AGAP1: variants seen among roughly 807,000 people sequenced by gnomAD.
AGAP1 encodes the protein ArfGAP with GTPase domain, ankyrin repeat and PH domain 1, also known as arf-GAP with GTPase, ANK repeat and PH domain-containing protein 1.
AGAP1 carries 29 observed loss-of-function variants against 105.3 expected under a neutral mutation model. The observed-to-expected ratio is 0.28, with a 90% CI of 0.21 to 0.38. The LOEUF (loss-of-function observed/expected upper bound fraction) is 0.38, where lower values mean the gene tolerates loss of function less well. AGAP1 is among the 10% of genes least tolerant of loss of function. AGAP1 has a pLI of 1.00. For missense variants in AGAP1, 998 were observed against 1,165.1 expected (o/e 0.86, Z 2.09); for synonymous variants, 509 against 485.9 (o/e 1.05, Z -0.63).
chr2:235,982,304 A>G lies in AGAP1; in HGVS notation c.1645+13681A>G, dbSNP rs2055131822. 6.6e-6 allele frequency among the ~76,000 whole-genome samples: 1 copy of G among 151,012 alleles called. No individual in the cohort carries two copies. The highest frequency in any genetic ancestry group is 1.5e-5 in the Non-Finnish European group (1 of 68,046). On this transcript the variant is annotated intron_variant, in intron 13 of 17. Coordinates refer to ENST00000304032, the MANE Select transcript of AGAP1 (RefSeq NM_001037131.3). This position sits in a 1 kb window ranked among gnomAD's most constrained non-coding sequence, Gnocchi z 4.9. ...ATGCAGAGTAACTCTTACAATTAAC[A>G]TATAATTACCTCAACGGGCCAATTA...
chr2:235,537,595 G>T (rs1033036294), intron 1 of AGAP1, among the ~76,000 whole-genome samples: 3 of 152,196 alleles, frequency 2.0e-5, no homozygotes, highest in Non-Finnish European at 4.4e-5. Flanking sequence ...CTTAAAGCTT[G>T]CAGCTCTCCA....
chr2:236,064,856 A>G (rs2058302595), intron 16 of AGAP1, among the ~76,000 whole-genome samples: 1 of 152,226 alleles, frequency 6.6e-6, no homozygotes, highest in Non-Finnish European at 1.5e-5. Context: ...ATACCTTTCT[A>G]AACACATAAA....
At chr2:235,594,288 G>GT (rs757990821) in intron 1 of AGAP1, among the ~76,000 whole-genome samples, 8,594 of 138,870 alleles carry the variant, frequency 0.062, 406 homozygotes, top group African/African-American at 0.14. Context: ...GGCATTCTGG[G>GT]GTTTTTTTTT....
rs1044596856 is a variant in AGAP1, at chr2:236,035,901, G to C, written c.1646-660G>C. Among the ~76,000 whole-genome samples, 5 of 152,230 alleles carry C rather than the reference G, an allele frequency of 3.3e-5. No homozygotes were observed. Among genetic ancestry groups the C allele is most frequent in the African/African-American group, 1.2e-4 (5 of 41,540 alleles). On this transcript the variant is annotated intron_variant, in intron 13 of 17. Coordinates refer to ENST00000304032, the MANE Select transcript of AGAP1 (RefSeq NM_001037131.3). The surrounding 1 kb of genome is among the most constrained non-coding windows in gnomAD (Gnocchi z 4.2). The stretch of plus-strand genomic sequence containing the variant: ...AGGGGAGTCCAGGAACTTGCCCAAA[G>C]ACTTAGATGTGGCAGGTGGGGTCGC...
intron 12 of AGAP1, among the ~76,000 whole-genome samples, chr2:235,937,203 C>T (rs1358759046): frequency 6.6e-6 from 1 of 152,174 alleles, no homozygotes; most frequent in African/African-American, 2.4e-5. Context: ...GCTGGGCACT[C>T]CCTGCCTCAC....
rs1953728195 is a variant in AGAP1, at chr2:235,754,408, T to C, written c.673+3920T>C. Among the ~76,000 whole-genome samples the C allele has an allele frequency of 2.7e-5, 4 of 150,424 alleles. No homozygotes were observed. The highest frequency in any genetic ancestry group is 2.2e-4 in the South Asian group (1 of 4,612). On this transcript the variant is annotated intron_variant, in intron 6 of 17. Coordinates refer to ENST00000304032, the MANE Select transcript of AGAP1 (RefSeq NM_001037131.3). The surrounding 1 kb of genome is among the most constrained non-coding windows in gnomAD (Gnocchi z 4.6). Reference sequence around the variant, plus strand: ...AAAGGAAAAGCGTGTAATTTCTACATAATGTTTGGCTTGTAAATAAAAAAA... The same window carrying C: ...AAAGGAAAAGCGTGTAATTTCTACACAATGTTTGGCTTGTAAATAAAAAAA...
At position 235,622,413 on chromosome 2, in the gene AGAP1, G is replaced by A. The variant is rs764725293; in HGVS notation, c.164-86766G>A. Among the ~76,000 whole-genome samples the A allele has an allele frequency of 2.0e-5, 3 of 152,166 alleles. No individual in the cohort carries two copies. Among genetic ancestry groups the A allele is most frequent in the African/African-American group, 4.8e-5 (2 of 41,438 alleles). ...GGCCACGCTGCTCTCCTGCATGTCC[G>A]CCCATCTCACTGGGGTGATGAATGG... On this transcript the variant is annotated intron_variant, in intron 1 of 17. Coordinates refer to ENST00000304032, the MANE Select transcript of AGAP1 (RefSeq NM_001037131.3). This position sits in a 1 kb window ranked among gnomAD's most constrained non-coding sequence, Gnocchi z 5.0.
chr2:236,032,888 A>G (rs1344635104), intron 13 of AGAP1, among the ~76,000 whole-genome samples: 1 of 152,210 alleles, frequency 6.6e-6, no homozygotes, highest in Non-Finnish European at 1.5e-5. Flanking sequence ...CATAGAAGAT[A>G]CTAGACAAGG....
At chr2:235,564,532 A>G (rs940163046) in intron 1 of AGAP1, among the ~76,000 whole-genome samples, 13 of 152,158 alleles carry the variant, frequency 8.5e-5, no homozygotes, top group African/African-American at 2.9e-4. Context: ...CATCCAGTTC[A>G]CATGTAGTTG....
At chr2:235,579,838 G>A (rs948721617) in intron 1 of AGAP1, among the ~76,000 whole-genome samples, 1 of 150,720 alleles carries the variant, frequency 6.6e-6, no homozygotes, top group African/African-American at 2.4e-5. Context: ...CCACCCACCC[G>A]TCTAGTTCCA....
chr2:236,037,313 C>G (rs1415623935), intron 14 of AGAP1: 1 of 152,006 alleles, frequency 6.6e-6, no homozygotes, highest in East Asian at 1.9e-4. Flanking sequence ...AAAACGCCAC[C>G]CCCAAATGTT....
chr2:235,720,846 G>A lies in AGAP1; in HGVS notation c.310+3202G>A, dbSNP rs190876074. On this transcript the variant is annotated intron_variant, in intron 3 of 17. Coordinates refer to ENST00000304032, the MANE Select transcript of AGAP1 (RefSeq NM_001037131.3). This position sits in a 1 kb window ranked among gnomAD's most constrained non-coding sequence, Gnocchi z 5.0. The stretch of plus-strand genomic sequence containing the variant: ...GTAGAAACATTTCTGGTGCAGAGCC[G>A]TCTCCAGATCCAAGCCTGCTTTTCC... 7.3e-4 allele frequency: 268 copies of A among 366,608 alleles called. 1 individual carries two copies. Among genetic ancestry groups the A allele is most frequent in the African/African-American group, 4.9e-3 (223 of 45,228 alleles). 22.7% of individuals were successfully genotyped at this position (366,608 alleles called of 1,614,324 possible). A position where few individuals can be genotyped will look rare whatever the true frequency, so the allele number is the denominator to read the frequency against.
intron 1 of AGAP1, among the ~76,000 whole-genome samples, chr2:235,703,355 C>T (rs926571576): frequency 3.9e-5 from 6 of 152,120 alleles, no homozygotes; most frequent in Admixed American, 6.5e-5. Flanking sequence ...TGTCTCTGAG[C>T]GGGAGCATCC....
rs1305291363 is a variant in AGAP1 at position 235,692,569 on chromosome 2, G to T, written c.164-16610G>T. On this transcript the variant is annotated intron_variant, in intron 1 of 17. Transcript: ENST00000304032. This position sits in a 1 kb window ranked among gnomAD's most constrained non-coding sequence, Gnocchi z 5.8. ...TGCTGCCCCTATGCTCTCCCCCCTT[G>T]CCCTCCCCCCTTGCCTTCCTGGGCC... Among the ~76,000 whole-genome samples, 2 of 148,580 alleles carry T rather than the reference G, an allele frequency of 1.3e-5. No homozygotes were observed. The highest frequency in any genetic ancestry group is 3.0e-5 in the Non-Finnish European group (2 of 67,542).
At chr2:236,072,786 C>G (rs917375107) in intron 16 of AGAP1, among the ~76,000 whole-genome samples, 1 of 151,760 alleles carries the variant, frequency 6.6e-6, no homozygotes, top group African/African-American at 2.4e-5. Context: ...TTACATTTTC[C>G]CCTCTAATGT....
chr2:236,005,553 T>A lies in AGAP1; in HGVS notation c.1646-31008T>A, dbSNP rs1165659033. 6.6e-6 allele frequency among the ~76,000 whole-genome samples: 1 copy of A among 152,248 alleles called. No homozygotes were observed. Among genetic ancestry groups the A allele is most frequent in the Non-Finnish European group, 1.5e-5 (1 of 68,044 alleles). On this transcript the variant is annotated intron_variant, in intron 13 of 17. Coordinates refer to ENST00000304032, the MANE Select transcript of AGAP1 (RefSeq NM_001037131.3). The surrounding 1 kb of genome is among the most constrained non-coding windows in gnomAD (Gnocchi z 4.1). ...CACTTTATTTGCATCTCTTTAGCTTTAACCTCATGCCGTGTCTCTGTTCCA... is the reference window on the plus strand; with the variant it reads ...CACTTTATTTGCATCTCTTTAGCTTAAACCTCATGCCGTGTCTCTGTTCCA...
chr2:235,630,507 G>T (rs1199766907), intron 1 of AGAP1, among the ~76,000 whole-genome samples: 1 of 152,268 alleles, frequency 6.6e-6, no homozygotes, highest in South Asian at 2.1e-4. Context: ...CACCATGCCC[G>T]GCCCCTGTAC....
intron 1 of AGAP1, among the ~76,000 whole-genome samples, chr2:235,672,401 T>C (rs1311019502): frequency 6.6e-6 from 1 of 152,388 alleles, no homozygotes; most frequent in Admixed American, 6.5e-5. Context: ...CCTGTTTCAC[T>C]AGTGAGGCTA....
rs1559350935 is a variant in AGAP1, at chr2:235,686,645, AGATATATATATATATATATATTTT to A, written c.164-22533_164-22510del. On this transcript the variant is annotated intron_variant, in intron 1 of 17. Coordinates refer to ENST00000304032, the MANE Select transcript of AGAP1 (RefSeq NM_001037131.3). ...GATATATATATATATATATATATAT[AGATATATATATATATATATATTTT>A]TTTTTTTTTTTAGACAGAGTCTTGC... Among the ~76,000 whole-genome samples, 13 of 24,250 alleles carry A rather than the reference AGATATATATATATATATATATTTT, an allele frequency of 5.4e-4. 1 individual carries two copies. Among genetic ancestry groups the A allele is most frequent in the African/African-American group, 3.5e-3 (13 of 3,698 alleles). 15.9% of individuals were successfully genotyped at this position (24,250 alleles called of 152,430 possible).
Sources: gnomAD v4.1 joint callset for allele counts (sites outside exome capture counted in the v4.1 genomes callset) on GRCh38, gnomAD v4.1.1 for gene constraint, Gnocchi (gnomAD v3.1) non-coding constraint, MANE v1.5 for transcripts, NCBI Gene and HGNC (gene_info 2026-07-23, HGNC 2026-07-21) for gene names.